NMT1: variants seen among roughly 807,000 people sequenced by gnomAD.
NMT1 encodes the protein N-myristoyltransferase 1.
In NMT1, 12 loss-of-function variants were observed where a neutral mutation model predicts 63.4. The observed-to-expected ratio is 0.19, with a 90% CI of 0.12 to 0.31. The LOEUF (loss-of-function observed/expected upper bound fraction) is 0.31, where lower values mean the gene tolerates loss of function less well. NMT1 is among the 10% of genes least tolerant of loss of function. The pLI, the probability that NMT1 is intolerant of heterozygous loss-of-function variation, is 1.00. For synonymous variants in NMT1, 228 were observed against 234.3 expected (o/e 0.97, Z 0.25); for missense variants, 432 against 634.6 (o/e 0.68, Z 3.43).
At chr17:45,064,103 C>T (rs1376198552) in intron 1 of NMT1, among the ~76,000 whole-genome samples, 4 of 151,236 alleles carry the variant, frequency 2.6e-5, no homozygotes, top group Admixed American at 6.6e-5. Flanking sequence ...GAGAATCACT[C>T]GAACCCGGGA....
At chr17:45,077,261 G>A (rs1157391476) in intron 1 of NMT1, among the ~76,000 whole-genome samples, 1 of 152,062 alleles carries the variant, frequency 6.6e-6, no homozygotes, top group African/African-American at 2.4e-5. Context: ...TCCATAAGCT[G>A]TTATGGAACC....
intron 8 of NMT1, among the ~76,000 whole-genome samples, chr17:45,100,919 C>T (rs925807866): frequency 7.4e-6 from 1 of 136,016 alleles, no homozygotes; most frequent in East Asian, 2.4e-4. Context: ...CGGTGGCTCA[C>T]ACCTGTAATC....
intron 2 of NMT1, 49 bp from the exon 3 acceptor site, chr17:45,086,458 GT>G (rs1301972147): frequency 6.4e-7 from 1 of 1,552,936 alleles, no homozygotes; most frequent in Admixed American, 2.0e-5. Flanking sequence ...TTAATCAAAA[GT>G]CTTACTAACA....
chr17:45,075,891 G>A (rs1021972185), intron 1 of NMT1, among the ~76,000 whole-genome samples: 7 of 152,052 alleles, frequency 4.6e-5, no homozygotes, highest in African/African-American at 1.4e-4. Flanking sequence ...CCAACATGGC[G>A]AGACCTCATC....
chr17:45,078,643 G>A (rs933569386), intron 1 of NMT1, among the ~76,000 whole-genome samples: 2 of 151,988 alleles, frequency 1.3e-5, no homozygotes, highest in African/African-American at 2.4e-5. Flanking sequence ...ATTCTTGGGG[G>A]TTTTGGTGTT....
At chr17:45,082,476 A>C (rs2054023013) in intron 2 of NMT1, among the ~76,000 whole-genome samples, 1 of 152,180 alleles carries the variant, frequency 6.6e-6, no homozygotes, top group Non-Finnish European at 1.5e-5. Flanking sequence ...CATAGTCATT[A>C]TAATGAAAGC....
At chr17:45,079,254 G>C (rs936557844) in intron 1 of NMT1, among the ~76,000 whole-genome samples, 3 of 151,966 alleles carry the variant, frequency 2.0e-5, no homozygotes, top group Non-Finnish European at 4.4e-5. Flanking sequence ...ACAGGCGCAT[G>C]CCTCCACGCC....
At chr17:45,063,741 C>A (rs925944550) in intron 1 of NMT1, among the ~76,000 whole-genome samples, 3 of 151,774 alleles carry the variant, frequency 2.0e-5, no homozygotes, top group African/African-American at 7.3e-5. Flanking sequence ...ACTAAAAATA[C>A]AAAATTTAGC....
chr17:45,075,801 G>A (rs1044084953), intron 1 of NMT1, among the ~76,000 whole-genome samples: 39 of 152,044 alleles, frequency 2.6e-4, no homozygotes, highest in African/African-American at 8.5e-4. Context: ...CAGGCACGGT[G>A]GCTTACGCCT....
intron 1 of NMT1, among the ~76,000 whole-genome samples, chr17:45,072,271 A>G (rs928192016): frequency 6.7e-6 from 1 of 150,150 alleles, no homozygotes; most frequent in Non-Finnish European, 1.5e-5. Context: ...AAAAAAACTC[A>G]GTATTTTTTT....
intron 1 of NMT1, among the ~76,000 whole-genome samples, chr17:45,070,620 T>C (rs961735634): frequency 1.3e-5 from 2 of 151,678 alleles, no homozygotes; most frequent in African/African-American, 4.9e-5. Context: ...GGTTTCACCG[T>C]ATTAGCCAGG....
In NMT1 at chr17:45,061,334, C is replaced by A. The variant is rs771527303; in HGVS notation, c.5C>A (p.Ala2Glu). The A allele has an allele frequency of 3.1e-6, 5 of 1,612,996 alleles. No individual in the cohort carries two copies. Among genetic ancestry groups the A allele is most frequent in the Non-Finnish European group, 2.5e-6 (3 of 1,179,536 alleles). ...GCCCTGCTCTCGCAACTCAAGATGG[C>A]GGACGAGAGTGAGACAGCAGTGAAG... is the stretch of plus-strand genomic sequence containing the variant. M[A>E]DESETAVKPP... Residue 2 changes from alanine (A) to glutamate (E), a missense_variant, in exon 1 of 12, where the codon GCG becomes GAG. Ala to Glu is a moderately radical substitution (Grantham distance 107). Transcript: ENST00000258960.
At chr17:45,076,772 A>G (rs988889583) in intron 1 of NMT1, among the ~76,000 whole-genome samples, 2 of 152,156 alleles carry the variant, frequency 1.3e-5, no homozygotes, top group South Asian at 2.1e-4. Context: ...AAGAAAAGAA[A>G]AAACAACTTC....
chr17:45,083,556 C>T (rs537846187), intron 2 of NMT1: 1 of 152,228 alleles, frequency 6.6e-6, no homozygotes, highest in Admixed American at 6.5e-5. Flanking sequence ...TACCATGTTG[C>T]ACTTCATTTA....
At chr17:45,082,524 G>C (rs2054023463) in intron 2 of NMT1, among the ~76,000 whole-genome samples, 1 of 152,200 alleles carries the variant, frequency 6.6e-6, no homozygotes, top group East Asian at 1.9e-4. Flanking sequence ...TCTACTCCAT[G>C]AGAACCACTG....
chr17:45,072,795 G>A (rs1461324552), intron 1 of NMT1, among the ~76,000 whole-genome samples: 1 of 131,814 alleles, frequency 7.6e-6, no homozygotes, highest in Non-Finnish European at 1.6e-5. Flanking sequence ...TCCTGACGTC[G>A]TGATCCACCC....
chr17:45,065,238 C>T (rs1950915446), intron 1 of NMT1, among the ~76,000 whole-genome samples: 1 of 152,082 alleles, frequency 6.6e-6, no homozygotes, highest in African/African-American at 2.4e-5. Flanking sequence ...TTCATCTCCC[C>T]TCACCAAGTG....
rs578117787 is a variant in NMT1, at chr17:45,104,992, A to G, written c.1466A>G (p.Glu489Gly). Reference sequence around the variant, plus strand: ...TGGAAATGCCCCAGCATGGGGGCAGAGAAGGTAGGCGACACATAGCCAGAG... The same window carrying G: ...TGGAAATGCCCCAGCATGGGGGCAGGGAAGGTAGGCGACACATAGCCAGAG... Reference protein sequence around the residue: ...YNWKCPSMGAEKVGLVLQ With the variant: ...YNWKCPSMGAGKVGLVLQ Residue 489 changes from glutamate to glycine, a missense_variant, in exon 11 of 12, where the codon GAG (glutamate) becomes GGG (glycine). By Grantham distance (98) the Glu-to-Gly change is moderately conservative (BLOSUM62 -2). This residue lies in a region of NMT1 where 13 missense variants were observed against 16.7 expected (regional missense o/e 0.78). Transcript: ENST00000258960. The surrounding 1 kb of genome is among the most constrained non-coding windows in gnomAD (Gnocchi z 4.2). 2 of 1,614,146 alleles carry G rather than the reference A, an allele frequency of 1.2e-6. No homozygotes were observed. Among genetic ancestry groups the G allele is most frequent in the South Asian group, 1.1e-5 (1 of 91,082 alleles).
intron 3 of NMT1, among the ~76,000 whole-genome samples, chr17:45,093,457 G>A (rs193170025): frequency 3.9e-5 from 6 of 152,364 alleles, no homozygotes; most frequent in South Asian, 2.1e-4. Context: ...TCCAAAACAC[G>A]AACCACCTTG....
Sources: allele counts gnomAD v4.1 joint callset (sites outside exome capture counted in the v4.1 genomes callset), GRCh38; gene constraint gnomAD v4.1.1; regional missense constraint gnomAD v4.1.1; non-coding constraint Gnocchi (gnomAD v3.1); transcripts MANE v1.5; gene names NCBI Gene and HGNC (gene_info 2026-07-23, HGNC 2026-07-21).